SMARCA4: variants seen among roughly 807,000 people sequenced by gnomAD.
SMARCA4 encodes the protein SWI/SNF related BAF chromatin remodeling complex subunit ATPase 4.
A neutral mutation model predicts 193.9 loss-of-function variants in SMARCA4; 31 were observed. That is an observed-to-expected ratio of 0.16 (90% CI 0.12 to 0.22). The LOEUF (loss-of-function observed/expected upper bound fraction) is 0.22. SMARCA4 is among the 10% of genes least tolerant of loss of function. The pLI, the probability that SMARCA4 is intolerant of heterozygous loss-of-function variation, is 1.00. For missense variants in SMARCA4, 1,148 were observed against 2,296.0 expected (o/e 0.50, Z 10.22); for synonymous variants, 942 against 933.1 (o/e 1.01, Z -0.17).
At chr19:11,042,235 A>G (rs1426902226) in intron 30 of SMARCA4, among the ~76,000 whole-genome samples, 2 of 152,184 alleles carry the variant, frequency 1.3e-5, no homozygotes, top group African/African-American at 4.8e-5. Flanking sequence ...TTGGTGGATC[A>G]TGAGTGCCAT....
At chr19:11,045,802 G>C (rs1168967412) in intron 30 of SMARCA4, among the ~76,000 whole-genome samples, 1 of 152,100 alleles carries the variant, frequency 6.6e-6, no homozygotes, top group African/African-American at 2.4e-5. Context: ...TAAAACTTTC[G>C]GCTGGGCACA....
At chr19:11,021,633 T>G (rs758695413) in intron 18 of SMARCA4, 92 bp from the exon 19 acceptor site, 1 of 1,498,164 alleles carries the variant, frequency 6.7e-7, no homozygotes, top group Admixed American at 2.0e-5. Flanking sequence ...ACCTGGAGCC[T>G]TCCTGGCTGC....
At position 11,058,376 on chromosome 19, in the gene SMARCA4, T is replaced by A. The variant is rs374656094; in HGVS notation, c.4533+13T>A. ...CAAGAAGATAAAGGTAACCCTGACG[T>A]TGTACCTGCGCCCCGCATGTGCCCG... is the stretch of plus-strand genomic sequence containing the variant. On this transcript the variant is annotated intron_variant, in intron 31 of 34. Transcript: ENST00000344626. This position sits in a 1 kb window ranked among gnomAD's most constrained non-coding sequence, Gnocchi z 5.8. The A allele has an allele frequency of 9.0e-6, 14 of 1,561,644 alleles. No individual in the cohort carries two copies. The African/African-American group carries it at 1.8e-4, about 20-fold the overall frequency.
At chr19:11,025,033 G>A (rs1320108865) in intron 21 of SMARCA4, among the ~76,000 whole-genome samples, 1 of 135,026 alleles carries the variant, frequency 7.4e-6, no homozygotes, top group Non-Finnish European at 1.5e-5. Context: ...AGGGAGCCCT[G>A]AGTCATGGCT....
intron 34 of SMARCA4, chr19:11,060,410 C>G (rs974565784): frequency 3.2e-6 from 2 of 623,376 alleles, no homozygotes; most frequent in African/African-American, 1.8e-5. Context: ...TCTCAGTACC[C>G]GTGGGTGTCT....
At chr19:11,028,772 G>A (rs116589460) in intron 24 of SMARCA4, among the ~76,000 whole-genome samples, 6 of 152,226 alleles carry the variant, frequency 3.9e-5, no homozygotes, top group African/African-American at 1.2e-4. Flanking sequence ...CAGTGGGTCA[G>A]GGAGCCCTGG....
intron 30 of SMARCA4, among the ~76,000 whole-genome samples, chr19:11,054,477 C>T (rs2147030192): frequency 6.6e-6 from 1 of 152,308 alleles, no homozygotes; most frequent in East Asian, 1.9e-4. Flanking sequence ...CTGACAGGAG[C>T]GCATCTTTAG....
chr19:10,976,770 T>G (rs79165405), intron 1 of SMARCA4, among the ~76,000 whole-genome samples: 60,010 of 139,136 alleles, frequency 0.43, 12,853 homozygotes, highest in East Asian at 0.61. Flanking sequence ...AAAAAAAAAA[T>G]TGGGCCGGGC....
intron 29 of SMARCA4, chr19:11,040,592 A>T (rs1386235038): frequency 4.0e-5 from 2 of 50,090 alleles, no homozygotes; most frequent in Non-Finnish European, 9.1e-5. Context: ...CTCCGTCTCC[A>T]AAAAAAAAAA....
At position 11,014,447 on chromosome 19, in the gene SMARCA4, G is replaced by A. The variant is rs537326312; in HGVS notation, c.2438+1335G>A. Reference sequence around the variant, plus strand: ...ACAGACTGCTCTGAAGGAGCAGGGCGTCCTTGTGCACAGCGCTGCAGGTAG... The same window carrying A: ...ACAGACTGCTCTGAAGGAGCAGGGCATCCTTGTGCACAGCGCTGCAGGTAG... On this transcript the variant is annotated intron_variant, in intron 16 of 34. Transcript: ENST00000344626. Among the ~76,000 whole-genome samples the A allele has an allele frequency of 8.9e-4, 136 of 152,330 alleles. 1 individual carries two copies. In the South Asian group the frequency reaches 0.019, roughly 21 times the overall value.
chr19:11,049,457 A>G (rs2076131584), intron 30 of SMARCA4, among the ~76,000 whole-genome samples: 1 of 151,412 alleles, frequency 6.6e-6, no homozygotes, highest in Admixed American at 6.6e-5. Flanking sequence ...GTACACTGCC[A>G]GTTGATACCT....
chr19:11,001,485 G>A (rs550731960), intron 11 of SMARCA4, among the ~76,000 whole-genome samples: 12 of 152,242 alleles, frequency 7.9e-5, no homozygotes, highest in Admixed American at 7.8e-4. Flanking sequence ...CTTAAAAAGC[G>A]AGGATGCCCA....
In SMARCA4 at chr19:11,037,318, C is replaced by G. The variant is rs559686899; in HGVS notation, c.4170+2186C>G. Among the ~76,000 whole-genome samples, 5 of 152,258 alleles carry G rather than the reference C, an allele frequency of 3.3e-5. No individual in the cohort carries two copies. The South Asian group carries it at 8.3e-4, about 25-fold the overall frequency. Reference sequence around the variant, plus strand: ...CTCTTTCTCTACATCCTCAGCAACCCTTGCTGTTCCCTCGCCCGCTGATTC... The same window carrying G: ...CTCTTTCTCTACATCCTCAGCAACCGTTGCTGTTCCCTCGCCCGCTGATTC... On this transcript the variant is annotated intron_variant, in intron 29 of 34. Transcript: ENST00000344626.
rs2146375069 is a variant in SMARCA4 at position 11,019,651 on chromosome 19, T to C, written c.2566T>C (p.Leu856=). ...PQLRSGKFNV[L]LTTYEYIIKD... is the part of the protein sequence containing the mutation. ...GCTCCGGAGTGGGAAGTTCAACGTCTTGCTGACGACGTACGAGTACATCAT... is the reference window on the plus strand; with the variant it reads ...GCTCCGGAGTGGGAAGTTCAACGTCCTGCTGACGACGTACGAGTACATCAT... The change falls in exon 18 of 35, where the codon TTG becomes CTG. Residue 856 remains leucine, a synonymous_variant. Transcript: ENST00000344626. This position sits in a 1 kb window ranked among gnomAD's most constrained non-coding sequence, Gnocchi z 6.1. 6.2e-7 allele frequency: 1 copy of C among 1,613,800 alleles called. No individual in the cohort carries two copies.
Position 11,060,094 on chromosome 19 carries a change from G to C in SMARCA4, c.4818G>C (p.Gln1606His), listed in dbSNP as rs1178897225. ...KIKLGRKEKA[Q>H]DRLKGGRRRP... is the part of the protein sequence containing the mutation. ...AGCTTGGCCGGAAGGAGAAGGCACA[G>C]GACCGGCTGAAGGGCGGCCGGCGGC... The change falls in exon 34 of 35, where the codon CAG becomes CAC. Residue 1606 changes from glutamine to histidine, a missense_variant. This residue lies in a region of SMARCA4 where 105 missense variants were observed against 133.7 expected (regional missense o/e 0.79). Transcript: ENST00000344626. 2 of 1,552,950 alleles carry C rather than the reference G, an allele frequency of 1.3e-6. No homozygotes were observed. Among genetic ancestry groups the C allele is most frequent in the Non-Finnish European group, 1.7e-6 (2 of 1,147,878 alleles).
intron 30 of SMARCA4, among the ~76,000 whole-genome samples, chr19:11,049,406 C>T (rs1009236806): frequency 5.9e-5 from 9 of 151,916 alleles, no homozygotes; most frequent in Non-Finnish European, 7.4e-5. Flanking sequence ...CATGCAGAAA[C>T]GTTCTCTGTG....
chr19:11,003,364 T>C lies in SMARCA4; in HGVS notation c.1968T>C (p.Asp656=), dbSNP rs750161079. The change falls in exon 13 of 35, where the codon GAT becomes GAC. Residue 656 remains aspartate (D), a synonymous_variant. Transcript: ENST00000344626. ...GGTATGAAGTAGCTCCGAGGTCTGA[T>C]AGTGAAGAAAGTGGCTCAGAAGAAG... is the stretch of plus-strand genomic sequence containing the variant. ...NPGYEVAPRS[D]SEESGSEEEE... 1.3e-5 allele frequency: 21 copies of C among 1,614,000 alleles called. No homozygotes were observed. In the Admixed American group the frequency reaches 2.0e-4, roughly 15 times the overall value.
At chr19:10,979,845 T>TG (rs985654167) in intron 1 of SMARCA4, among the ~76,000 whole-genome samples, 33 of 152,064 alleles carry the variant, frequency 2.2e-4, no homozygotes, top group African/African-American at 6.5e-4. Flanking sequence ...TGGTATTGAC[T>TG]GGGGGGGCCC....
intron 22 of SMARCA4, chr19:11,025,762 T>A (rs1209266536): frequency 2.0e-6 from 1 of 501,202 alleles, no homozygotes; most frequent in Non-Finnish European, 3.7e-6. Context: ...TTTGGAGACT[T>A]CTCTGGGGAT....
Sources: allele counts gnomAD v4.1 joint callset (sites outside exome capture counted in the v4.1 genomes callset), GRCh38; gene constraint gnomAD v4.1.1; regional missense constraint gnomAD v4.1.1; non-coding constraint Gnocchi (gnomAD v3.1); transcripts MANE v1.5; gene names NCBI Gene and HGNC (gene_info 2026-07-23, HGNC 2026-07-21).